ZSWIM3: variants seen among roughly 807,000 people sequenced by gnomAD.
The protein encoded by ZSWIM3 is zinc finger SWIM domain-containing protein 3.
In ZSWIM3, 27 loss-of-function variants were observed where a neutral mutation model predicts 47.5. The ratio of observed to expected loss-of-function variants is 0.57; its 90% CI spans 0.42 to 0.78. ZSWIM3 has a LOEUF of 0.78. Among genes scored for constraint, ZSWIM3 ranks in the 30% least tolerant of loss-of-function variants. The pLI is 0.00. For synonymous variants in ZSWIM3, 333 were observed against 333.9 expected (o/e 1.00, Z 0.03); for missense variants, 689 against 861.3 (o/e 0.80, Z 2.50).
Position 45,877,178 on chromosome 20 carries a change from G to C in ZSWIM3, c.620G>C (p.Ser207Thr). The change falls in exon 2 of 2, where the codon AGC becomes ACC. Residue 207 changes from serine to threonine, a missense_variant. By Grantham distance (58) the Ser-to-Thr change is moderately conservative. Transcript: ENST00000255152. The stretch of plus-strand genomic sequence containing the variant: ...CACCTGGACCGGCTCAGCTTCCAGA[G>C]CAGTAAGATGACCGACCTGTTCATC... ...SQHLDRLSFQ[S>T]SKMTDLFIRF... 1 of 1,614,156 alleles carries C rather than the reference G, an allele frequency of 6.2e-7. No homozygotes were observed. Among genetic ancestry groups the C allele is most frequent in the Middle Eastern group, 1.6e-4 (1 of 6,062 alleles).
chr20:45,869,569 G>T (rs1040301315), intron 1 of ZSWIM3, among the ~76,000 whole-genome samples: 3 of 151,820 alleles, frequency 2.0e-5, no homozygotes, highest in African/African-American at 7.3e-5. Flanking sequence ...GCTGCAATTA[G>T]CTGAAAACCC....
intron 1 of ZSWIM3, among the ~76,000 whole-genome samples, chr20:45,860,792 A>G (rs1985689725): frequency 6.6e-6 from 1 of 152,172 alleles, no homozygotes; most frequent in Non-Finnish European, 1.5e-5. Flanking sequence ...AGCCACCTTA[A>G]TTCTATCTGC....
chr20:45,869,896 T>C (rs1985929085), intron 1 of ZSWIM3, among the ~76,000 whole-genome samples: 1 of 150,044 alleles, frequency 6.7e-6, no homozygotes, highest in African/African-American at 2.5e-5. Context: ...CTACAAAAAT[T>C]AACCAGGCGT....
Position 45,877,872 on chromosome 20 carries a change from T to G in ZSWIM3, c.1314T>G (p.Pro438=), listed in dbSNP as rs949162372. 2.5e-6 allele frequency: 4 copies of G among 1,614,038 alleles called. No homozygotes were observed. Among genetic ancestry groups the G allele is most frequent in the African/African-American group, 2.7e-5 (2 of 75,000 alleles). Residue 438 remains proline, a synonymous_variant, in exon 2 of 2, where the codon CCT becomes CCG. Coordinates refer to ENST00000255152, the MANE Select transcript of ZSWIM3 (RefSeq NM_080752.4). ...TKGLKNLPTP[P]PKLKRARPAS... is the part of the protein sequence containing the mutation. ...GCTTGAAGAACTTGCCCACACCTCCTCCCAAATTAAAGAGAGCTCGGCCGG... is the reference window on the plus strand; with the variant it reads ...GCTTGAAGAACTTGCCCACACCTCCGCCCAAATTAAAGAGAGCTCGGCCGG...
chr20:45,861,089 C>T (rs1279977795), intron 1 of ZSWIM3, among the ~76,000 whole-genome samples: 1 of 152,082 alleles, frequency 6.6e-6, no homozygotes, highest in African/African-American at 2.4e-5. Context: ...TCCTGGGCAA[C>T]AAAATGAGAT....
At chr20:45,871,864 GAAAAAA>G (rs11410450) in intron 1 of ZSWIM3, among the ~76,000 whole-genome samples, 1 of 131,914 alleles carries the variant, frequency 7.6e-6, no homozygotes, top group Non-Finnish European at 1.6e-5. Flanking sequence ...CTGTCTCAAA[GAAAAAA>G]AAAAAAAGAA....
In ZSWIM3 at chr20:45,878,696, T is replaced by A. The variant is rs367688588; in HGVS notation, c.*47T>A. The stretch of plus-strand genomic sequence containing the variant: ...GACCACAAACACTTCTCCTTGGAAG[T>A]GTGAGAGTTTAAAGTGGGCAGGACA... On this transcript the variant is annotated 3_prime_UTR_variant, in exon 2 of 2. Transcript: ENST00000255152. The A allele has an allele frequency of 7.7e-6, 12 of 1,557,400 alleles. No individual in the cohort carries two copies. The highest frequency in any genetic ancestry group is 1.0e-5 in the Non-Finnish European group (12 of 1,150,648).
chr20:45,864,702 AATACAT>A (rs1985792940), intron 1 of ZSWIM3, among the ~76,000 whole-genome samples: 1 of 152,010 alleles, frequency 6.6e-6, no homozygotes, highest in Admixed American at 6.5e-5. Flanking sequence ...CTCTACTAAA[AATACAT>A]AAATTAGCCA....
rs1487246337 is a variant in ZSWIM3 at position 45,879,110 on chromosome 20, TAATAA to T, written c.*465_*469del. On this transcript the variant is annotated 3_prime_UTR_variant, in exon 2 of 2. Transcript: ENST00000255152. ...TTTTTATTCATATTAAAGTTGTTTT[TAATAA>T]AATTAAACAAGGGAAATGTGTTCTG... 2 of 154,202 alleles carry T rather than the reference TAATAA, an allele frequency of 1.3e-5. No homozygotes were observed. Among genetic ancestry groups the T allele is most frequent in the African/African-American group, 4.8e-5 (2 of 41,456 alleles). 9.6% of individuals were successfully genotyped at this position (154,202 alleles called of 1,614,324 possible). A position where few individuals can be genotyped will look rare whatever the true frequency, so the allele number is the denominator to read the frequency against.
intron 1 of ZSWIM3, among the ~76,000 whole-genome samples, chr20:45,863,651 G>C (rs1985763950): frequency 6.6e-6 from 1 of 152,130 alleles, no homozygotes; most frequent in South Asian, 2.1e-4. Flanking sequence ...CACAAATATT[G>C]TATTGTTTTA....
At chr20:45,869,017 G>T (rs1035468996) in intron 1 of ZSWIM3, among the ~76,000 whole-genome samples, 1 of 151,398 alleles carries the variant, frequency 6.6e-6, no homozygotes, top group Non-Finnish European at 1.5e-5. Context: ...GGTCAGGCTG[G>T]TCTTGAACTC....
chr20:45,878,310 G>A lies in ZSWIM3; in HGVS notation c.1752G>A (p.Trp584Ter). 1 of 1,614,246 alleles carries A rather than the reference G, an allele frequency of 6.2e-7. No homozygotes were observed. Among genetic ancestry groups the A allele is most frequent in the Non-Finnish European group, 8.5e-7 (1 of 1,180,044 alleles). Residue 584 changes from tryptophan (W) to a stop codon, truncating the protein, a stop_gained, in exon 2 of 2, where the codon TGG becomes TGA. Coordinates refer to ENST00000255152, the MANE Select transcript of ZSWIM3 (RefSeq NM_080752.4). LOFTEE classifies it high-confidence loss of function. ...GTGAAGCCATGGTGTGCCGCCGGTG[G>A]CAGAAGAAGTACCAGTACCTCCTTG... Reference protein sequence around the residue: ...PVGEAMVCRRWQKKYQYLLGP... With the variant: ...PVGEAMVCRR
intron 1 of ZSWIM3, among the ~76,000 whole-genome samples, chr20:45,871,698 A>G (rs1601116030): frequency 1.3e-5 from 2 of 151,766 alleles, no homozygotes; most frequent in African/African-American, 2.4e-5. Flanking sequence ...AAAAAAAAAA[A>G]AAAGAAAGAA....
intron 1 of ZSWIM3, among the ~76,000 whole-genome samples, chr20:45,868,630 G>T (rs577525502): frequency 2.0e-5 from 3 of 151,896 alleles, no homozygotes; most frequent in African/African-American, 7.2e-5. Flanking sequence ...TGATCCACTC[G>T]CCTCGGTCTC....
Position 45,876,964 on chromosome 20 carries a change from A to G in ZSWIM3, c.406A>G (p.Lys136Glu), listed in dbSNP as rs1342614814. The part of the protein sequence containing the change: ...RLQPVQPTTK[K>E]DLDTAEKSLV... ...CCAGCCTGTGCAGCCCACAACCAAA[A>G]AAGACCTTGACACTGCCGAGAAGTC... Residue 136 changes from lysine (K) to glutamate (E), a missense_variant, in exon 2 of 2, where the codon AAA (lysine) becomes GAA (glutamate). Lys to Glu is a moderately conservative substitution (Grantham distance 56). Coordinates refer to ENST00000255152, the MANE Select transcript of ZSWIM3 (RefSeq NM_080752.4). 1 of 1,613,984 alleles carries G rather than the reference A, an allele frequency of 6.2e-7. No homozygotes were observed. The highest frequency in any genetic ancestry group is 8.5e-7 in the Non-Finnish European group (1 of 1,180,022).
chr20:45,877,724 A>T lies in ZSWIM3; in HGVS notation c.1166A>T (p.Asn389Ile). 1 of 1,613,962 alleles carries T rather than the reference A, an allele frequency of 6.2e-7. No individual in the cohort carries two copies. Among genetic ancestry groups the T allele is most frequent in the Non-Finnish European group, 8.5e-7 (1 of 1,179,898 alleles). Residue 389 changes from asparagine (N) to isoleucine (I), a missense_variant, in exon 2 of 2, where the codon AAC becomes ATC. By Grantham distance (149) the Asn-to-Ile change is moderately radical (BLOSUM62 -3). Transcript: ENST00000255152. ...GTTAGGAAGGGCCTGCTTGCGTGTA[A>T]CACCTACATGGACAGCCTAGACATT... Reference protein sequence around the residue: ...MHVRKGLLACNTYMDSLDIVT... With the variant: ...MHVRKGLLACITYMDSLDIVT...
chr20:45,872,526 T>C (rs913484074), intron 1 of ZSWIM3: 83 of 170,182 alleles, frequency 4.9e-4, no homozygotes, highest in Admixed American at 2.7e-3. Flanking sequence ...CTAGAAAAGA[T>C]AATGGGTGCA....
chr20:45,876,348 T>C (rs1986092615), intron 1 of ZSWIM3, among the ~76,000 whole-genome samples: 1 of 151,656 alleles, frequency 6.6e-6, no homozygotes, highest in African/African-American at 2.4e-5. Context: ...CCCAGCTGTT[T>C]GTTTTTTTGA....
At chr20:45,858,079 G>T (rs1985588791) in intron 1 of ZSWIM3, 99 bp downstream of exon 1, 1 of 1,307,272 alleles carries the variant, frequency 7.6e-7, no homozygotes, top group East Asian at 2.5e-5. Context: ...CACGCATTGG[G>T]CTGCGTGGCC....
Sources: gnomAD v4.1 joint callset for allele counts (sites outside exome capture counted in the v4.1 genomes callset) on GRCh38, gnomAD v4.1.1 for gene constraint, MANE v1.5 for transcripts, NCBI Gene and HGNC (gene_info 2026-07-23, HGNC 2026-07-21) for gene names.